TDRD12: variants seen among roughly 807,000 people sequenced by gnomAD.
TDRD12 encodes putative ATP-dependent RNA helicase TDRD12.
TDRD12 carries 158 observed loss-of-function variants against 133.5 expected under a neutral mutation model. The ratio of observed to expected loss-of-function variants is 1.18; its 90% CI spans 1.04 to 1.35. The LOEUF is 1.35. Ranked by LOEUF, TDRD12 falls within the 40% of genes most tolerant of loss-of-function variation. The pLI is 0.00. For missense variants in TDRD12, 1,443 were observed against 1,321.3 expected, an observed-to-expected ratio of 1.09 and a Z score of -1.43; for synonymous variants, 460 against 477.9, an observed-to-expected ratio of 0.96 and a Z score of 0.49.
intron 14 of TDRD12, among the ~76,000 whole-genome samples, chr19:32,797,428 C>CTTG (rs1332519576): frequency 2.0e-5 from 3 of 152,170 alleles, no homozygotes; most frequent in Non-Finnish European, 2.9e-5. Flanking sequence ...TAACTGACTT[C>CTTG]ACCTCTCTGT....
At chr19:32,771,022 C>T (rs902788294) in intron 8 of TDRD12, among the ~76,000 whole-genome samples, 2 of 152,118 alleles carry the variant, frequency 1.3e-5, no homozygotes, top group African/African-American at 2.4e-5. Flanking sequence ...ATTTGGCTCA[C>T]AGTTGTGCAA....
intron 1 of TDRD12, among the ~76,000 whole-genome samples, chr19:32,730,282 T>G (rs1969007746): frequency 6.6e-6 from 1 of 152,152 alleles, no homozygotes; most frequent in Non-Finnish European, 1.5e-5. Flanking sequence ...CTCTGATTCC[T>G]CAAGCCACAA....
intron 11 of TDRD12, among the ~76,000 whole-genome samples, chr19:32,785,916 T>C (rs575761295): frequency 2.0e-4 from 31 of 152,314 alleles, no homozygotes; most frequent in African/African-American, 7.5e-4. Flanking sequence ...ATTGGGGGCA[T>C]TTAGGCCATT....
At chr19:32,752,365 A>T (rs1969856488) in intron 6 of TDRD12, among the ~76,000 whole-genome samples, 2 of 151,772 alleles carry the variant, frequency 1.3e-5, no homozygotes, top group African/African-American at 4.8e-5. Flanking sequence ...TTTTTAGTAG[A>T]GATGGGGTTT....
chr19:32,748,603 C>CG, intron 5 of TDRD12, 72 bp downstream of exon 5: 1 of 1,471,094 alleles, frequency 6.8e-7, no homozygotes, highest in Non-Finnish European at 9.2e-7. Flanking sequence ...CTGCTGCTGG[C>CG]GGGGGTTGGA....
chr19:32,753,855 AC>A, intron 6 of TDRD12, among the ~76,000 whole-genome samples: 1 of 149,134 alleles, frequency 6.7e-6, no homozygotes, highest in African/African-American at 2.5e-5. Context: ...CCAGTGAGAA[AC>A]CTACTCTCGT....
At chr19:32,794,698 G>C (rs1274156979) in exon 14 of TDRD12, 1 of 703,102 alleles carries the variant, frequency 1.4e-6, no homozygotes, top group Non-Finnish European at 2.6e-6. Flanking sequence ...ATAGCGCGTG[G>C]CTGTGATGTG....
intron 1 of TDRD12, among the ~76,000 whole-genome samples, chr19:32,723,589 C>G (rs1037646290): frequency 1.6e-4 from 24 of 149,844 alleles, no homozygotes; most frequent in African/African-American, 5.7e-4. Context: ...ATGAGTCTTC[C>G]AACTATATTC....
chr19:32,729,308 C>T (rs1304908648), intron 1 of TDRD12, among the ~76,000 whole-genome samples: 2 of 149,472 alleles, frequency 1.3e-5, no homozygotes, highest in African/African-American at 4.9e-5. Context: ...AGCTCCACCA[C>T]CCGGTTTCAC....
exon 25 of TDRD12, chr19:32,813,684 G>T: frequency 6.6e-7 from 1 of 1,516,370 alleles, no homozygotes; most frequent in Non-Finnish European, 8.8e-7. Flanking sequence ...CTTTTTTCAG[G>T]TTACTAGGTA....
intron 16 of TDRD12, 101 bp downstream of exon 16, chr19:32,798,536 G>A: frequency 5.2e-6 from 5 of 964,908 alleles, no homozygotes; most frequent in South Asian, 3.1e-5. Flanking sequence ...GGAATACATT[G>A]GTTAATCTAA....
At chr19:32,802,981 A>G (rs1397129527) in exon 21 of TDRD12, 1 of 1,536,140 alleles carries the variant, frequency 6.5e-7, no homozygotes, top group East Asian at 2.4e-5. Flanking sequence ...TGACGGAGAA[A>G]GATGCGAGCC....
chr19:32,800,991 A>C (rs1971371157), intron 18 of TDRD12, among the ~76,000 whole-genome samples: 2 of 151,822 alleles, frequency 1.3e-5, no homozygotes, highest in Admixed American at 1.3e-4. Flanking sequence ...TTTCCTCTGC[A>C]GCAGCGTTCC....
At chr19:32,720,318 T>TC (rs980045099) in intron 1 of TDRD12, among the ~76,000 whole-genome samples, 1 of 58,162 alleles carries the variant, frequency 1.7e-5, no homozygotes, top group African/African-American at 7.4e-5. Flanking sequence ...AGCCCACGCA[T>TC]CCCCCCCATG....
At chr19:32,760,616 A>C (rs929206447) in intron 8 of TDRD12, among the ~76,000 whole-genome samples, 1 of 152,184 alleles carries the variant, frequency 6.6e-6, no homozygotes, top group Non-Finnish European at 1.5e-5. Flanking sequence ...TCCAGATTTT[A>C]AAATAATTGT....
chr19:32,798,107 A>G (rs1029393908), intron 15 of TDRD12, among the ~76,000 whole-genome samples: 2 of 152,184 alleles, frequency 1.3e-5, no homozygotes, highest in Non-Finnish European at 2.9e-5. Context: ...TGAGAAAACT[A>G]TGTCACTTCA....
chr19:32,721,426 T>G (rs1968659621), intron 1 of TDRD12, among the ~76,000 whole-genome samples: 1 of 152,088 alleles, frequency 6.6e-6, no homozygotes, highest in South Asian at 2.1e-4. Flanking sequence ...GCTCTTGTTG[T>G]CTAGGCTGGA....
chr19:32,810,260 A>C (rs1354063092), exon 23 of TDRD12: 1 of 1,516,410 alleles, frequency 6.6e-7, no homozygotes, highest in African/African-American at 1.4e-5. Context: ...GATTAGCAGA[A>C]AAAACGCTTT....
At chr19:32,810,114 A>T in exon 23 of TDRD12, 1 of 1,522,314 alleles carries the variant, frequency 6.6e-7, no homozygotes, top group Admixed American at 2.1e-5. Context: ...TTATATTTTG[A>T]ATGCAACAAA....
Sources: allele counts gnomAD v4.1 joint callset (sites outside exome capture counted in the v4.1 genomes callset), GRCh38; gene constraint gnomAD v4.1.1; transcripts MANE v1.5; gene names NCBI Gene and HGNC (gene_info 2026-07-23, HGNC 2026-07-21).